The following FMNL2 variants were observed in gnomAD, a reference collection of about 807,000 sequenced individuals.
The protein encoded by FMNL2 is formin like 2.
Under a neutral mutation model 130.2 loss-of-function variants are expected in FMNL2, and 51 were observed. The observed-to-expected ratio is 0.39, with a 90% confidence interval of 0.31 to 0.49. The LOEUF is 0.49. Among genes scored for constraint, FMNL2 ranks in the 20% least tolerant of loss-of-function variants. The pLI is 0.85. For missense variants in FMNL2, 977 were observed against 1,316.2 expected, an observed-to-expected ratio of 0.74 and a Z score of 3.99; for synonymous variants, 465 against 467.1, an observed-to-expected ratio of 1.00 and a Z score of 0.06.
chr2:152,556,774 C>G (rs1695230281), intron 4 of FMNL2, among the ~76,000 whole-genome samples: 1 of 152,106 alleles, frequency 6.6e-6, no homozygotes, highest in Non-Finnish European at 1.5e-5. Context: ...TCTGGAAAAT[C>G]AACCAGAAGA....
chr2:152,534,587 A>G (rs1471139262), intron 2 of FMNL2, among the ~76,000 whole-genome samples: 30 of 125,680 alleles, frequency 2.4e-4, no homozygotes, highest in Non-Finnish European at 4.4e-4. Flanking sequence ...TTTTTTCCTG[A>G]TCAGATTTTG....
At chr2:152,352,189 G>A (rs960515622) in intron 1 of FMNL2, among the ~76,000 whole-genome samples, 1 of 152,068 alleles carries the variant, frequency 6.6e-6, no homozygotes, top group Non-Finnish European at 1.5e-5. Context: ...TTATTGTGAG[G>A]ATTTTAAGGT....
chr2:152,357,073 T>G (rs1207084850), intron 1 of FMNL2, among the ~76,000 whole-genome samples: 1 of 145,856 alleles, frequency 6.9e-6, no homozygotes, highest in East Asian at 2.0e-4. Flanking sequence ...ATAAGTTTAA[T>G]ATATCACGAT....
chr2:152,647,526 C>T (rs1351007373), intron 25 of FMNL2, among the ~76,000 whole-genome samples: 1 of 152,202 alleles, frequency 6.6e-6, no homozygotes, highest in Non-Finnish European at 1.5e-5. Context: ...AATAAGACTT[C>T]AGCTAGACTC....
At chr2:152,418,768 T>C (rs1272602408) in intron 1 of FMNL2, among the ~76,000 whole-genome samples, 1 of 152,216 alleles carries the variant, frequency 6.6e-6, no homozygotes, top group Non-Finnish European at 1.5e-5. Context: ...ACTATGAACA[T>C]TGGTTACAAG....
At chr2:152,523,600 A>G (rs1439566264) in intron 2 of FMNL2, among the ~76,000 whole-genome samples, 4 of 152,210 alleles carry the variant, frequency 2.6e-5, no homozygotes, top group South Asian at 4.1e-4. Flanking sequence ...AATGTTCTCT[A>G]TGCTATAGGC....
intron 1 of FMNL2, among the ~76,000 whole-genome samples, chr2:152,370,262 T>C (rs557537147): frequency 6.6e-6 from 1 of 152,326 alleles, no homozygotes; most frequent in South Asian, 2.1e-4. Context: ...GGTTGTGTGC[T>C]GCTGATTTCT....
rs865829590 is a variant in FMNL2 at position 152,435,020 on chromosome 2, G to A, written c.118-86923G>A. Among the ~76,000 whole-genome samples, 11 of 152,150 alleles carry A rather than the reference G, an allele frequency of 7.2e-5. 1 individual carries two copies. The South Asian group carries it at 2.3e-3, about 32-fold the overall frequency. On this transcript the variant is annotated intron_variant, in intron 1 of 25. Transcript: ENST00000288670. ...CATGGTTTATGGCCAAGGAGCTTTG[G>A]AGCATTGGTCAAAGTCTCAAGCAGA...
At chr2:152,619,253 T>C in intron 14 of FMNL2, 95 bp downstream of exon 14, 8 of 1,421,784 alleles carry the variant, frequency 5.6e-6, no homozygotes, top group Non-Finnish European at 6.5e-6. Context: ...CCGTTTTTGT[T>C]GGCATGTTCT....
chr2:152,648,644 C>A lies in FMNL2; in HGVS notation c.*739C>A, dbSNP rs1580186271. ...GCATTAAAATTAACATCTCAGTAATCAGCATTAGCATTTCTGAGGACCATT... is the reference window on the plus strand; with the variant it reads ...GCATTAAAATTAACATCTCAGTAATAAGCATTAGCATTTCTGAGGACCATT... On this transcript the variant is annotated 3_prime_UTR_variant, in exon 26 of 26. Transcript: ENST00000288670. 1 of 152,572 alleles carries A rather than the reference C, an allele frequency of 6.6e-6. No homozygotes were observed. Among genetic ancestry groups the A allele is most frequent in the African/African-American group, 2.4e-5 (1 of 41,424 alleles). The allele number at this position is 152,572 out of a possible 1,614,324, so 9.5% of individuals were successfully genotyped here. A position where few individuals can be genotyped will look rare whatever the true frequency, so the allele number is the denominator to read the frequency against.
At chr2:152,375,162 C>G (rs1024255826) in intron 1 of FMNL2, among the ~76,000 whole-genome samples, 27 of 152,208 alleles carry the variant, frequency 1.8e-4, no homozygotes, top group Admixed American at 1.4e-3. Flanking sequence ...CCTAAGAATA[C>G]TACTACCTTT....
intron 24 of FMNL2, 82 bp downstream of exon 24, chr2:152,640,138 C>T (rs1682957947): frequency 8.0e-7 from 1 of 1,254,490 alleles, no homozygotes; most frequent in Non-Finnish European, 1.1e-6. Flanking sequence ...AAAGGACCAG[C>T]AAGCCAGGTG....
At chr2:152,541,441 T>C (rs1694307493) in intron 2 of FMNL2, among the ~76,000 whole-genome samples, 1 of 152,180 alleles carries the variant, frequency 6.6e-6, no homozygotes, top group African/African-American at 2.4e-5. Flanking sequence ...GTGAGAAATA[T>C]AGCATCTATA....
chr2:152,521,045 C>T (rs1693059641), intron 1 of FMNL2, among the ~76,000 whole-genome samples: 1 of 152,176 alleles, frequency 6.6e-6, no homozygotes, highest in Non-Finnish European at 1.5e-5. Flanking sequence ...CTTTAATTGA[C>T]TACTTAGCTC....
At chr2:152,537,891 T>TACAC (rs71394489) in intron 2 of FMNL2, among the ~76,000 whole-genome samples, 215 of 150,756 alleles carry the variant, frequency 1.4e-3, no homozygotes, top group African/African-American at 4.1e-3. Context: ...ACCTTACACA[T>TACAC]ACACACACAC....
At chr2:152,569,276 C>T (rs546786970) in intron 6 of FMNL2, among the ~76,000 whole-genome samples, 2 of 152,216 alleles carry the variant, frequency 1.3e-5, no homozygotes, top group Admixed American at 6.5e-5. Flanking sequence ...AGAGCTGCTT[C>T]TCCGGATTTT....
chr2:152,375,875 C>CTATATATATATATA (rs71394478), intron 1 of FMNL2, among the ~76,000 whole-genome samples: 11 of 112,830 alleles, frequency 9.7e-5, no homozygotes, highest in East Asian at 7.4e-4. Flanking sequence ...CTCTCTCTCT[C>CTATATATATATATA]TCTATATATA....
At chr2:152,437,915 G>C (rs1227951874) in intron 1 of FMNL2, among the ~76,000 whole-genome samples, 1 of 152,194 alleles carries the variant, frequency 6.6e-6, no homozygotes, top group Non-Finnish European at 1.5e-5. Flanking sequence ...GTTGTAAAAG[G>C]CATTAGAATC....
At chr2:152,394,138 T>A (rs1019047786) in intron 1 of FMNL2, among the ~76,000 whole-genome samples, 1 of 152,184 alleles carries the variant, frequency 6.6e-6, no homozygotes, top group Non-Finnish European at 1.5e-5. Context: ...AAGTTTGAAT[T>A]TCTTACAACA....
Sources: allele counts gnomAD v4.1 joint callset (sites outside exome capture counted in the v4.1 genomes callset), GRCh38; gene constraint gnomAD v4.1.1; transcripts MANE v1.5; gene names NCBI Gene and HGNC (gene_info 2026-07-23, HGNC 2026-07-21).